Variants in LRRC49 observed in about 807,000 individuals in gnomAD.
The protein encoded by LRRC49 is leucine-rich repeat-containing protein 49.
Under a neutral mutation model 83.3 loss-of-function variants are expected in LRRC49, and 50 were observed. The observed-to-expected ratio is 0.60, with a 90% CI of 0.48 to 0.76. LRRC49 has a LOEUF of 0.76. Ranked by LOEUF, LRRC49 falls within the 30% of genes least tolerant of loss-of-function variation. LRRC49 has a pLI of 0.00. For missense variants in LRRC49, 704 were observed against 809.1 expected (o/e 0.87, Z 1.58); for synonymous variants, 286 against 283.3 (o/e 1.01, Z -0.10).
intron 9 of LRRC49, among the ~76,000 whole-genome samples, chr15:70,975,523 T>C (rs1425650937): frequency 6.6e-6 from 1 of 152,022 alleles, no homozygotes; most frequent in Non-Finnish European, 1.5e-5. Context: ...AAACCCTGTC[T>C]CTACAAAAAA....
chr15:71,022,098 C>T (rs530580219), intron 14 of LRRC49, among the ~76,000 whole-genome samples: 2 of 152,120 alleles, frequency 1.3e-5, no homozygotes, highest in South Asian at 2.1e-4. Context: ...ATTAGCCAGG[C>T]CTGGTGGCTC....
At chr15:70,912,461 C>G (rs536396062) in intron 6 of LRRC49, among the ~76,000 whole-genome samples, 1 of 152,150 alleles carries the variant, frequency 6.6e-6, no homozygotes, top group Admixed American at 6.5e-5. Flanking sequence ...AGTTTGTACT[C>G]GTACCACTAA....
intron 1 of LRRC49, chr15:70,859,649 A>G (rs1355354924): frequency 4.7e-6 from 3 of 645,032 alleles, no homozygotes; most frequent in Non-Finnish European, 8.9e-6. Context: ...GATGAACTGG[A>G]ACATCAGCCG....
intron 1 of LRRC49, among the ~76,000 whole-genome samples, chr15:70,869,209 C>T (rs146253023): frequency 5.9e-5 from 9 of 152,252 alleles, no homozygotes; most frequent in Admixed American, 5.2e-4. Flanking sequence ...CTATATAATA[C>T]ATATATACTT....
chr15:70,863,147 G>A (rs1403281838), intron 1 of LRRC49, among the ~76,000 whole-genome samples: 1 of 152,162 alleles, frequency 6.6e-6, no homozygotes, highest in Admixed American at 6.5e-5. Flanking sequence ...CTAAGGTAGA[G>A]GCAAACTGAA....
At chr15:70,854,066 G>C in intron 1 of LRRC49, 1 of 1,377,620 alleles carries the variant, frequency 7.3e-7, no homozygotes, top group Non-Finnish European at 9.5e-7. Flanking sequence ...CCCGGGCCGA[G>C]CCTCCCCGCC....
At chr15:70,946,728 C>A (rs931108643) in intron 8 of LRRC49, among the ~76,000 whole-genome samples, 2 of 152,096 alleles carry the variant, frequency 1.3e-5, no homozygotes, top group Non-Finnish European at 2.9e-5. Flanking sequence ...GGGTTTTCTT[C>A]TCTCCACATT....
At chr15:70,887,774 C>T (rs766078810), upstream of LRRC49, among the ~76,000 whole-genome samples, 1 of 152,044 alleles carries the variant, frequency 6.6e-6, no homozygotes, top group Non-Finnish European at 1.5e-5. Context: ...AATAAAAACA[C>T]GAATATCAAA....
intron 7 of LRRC49, among the ~76,000 whole-genome samples, chr15:70,935,743 G>A (rs1285088913): frequency 6.6e-6 from 1 of 152,132 alleles, no homozygotes; most frequent in Non-Finnish European, 1.5e-5. Flanking sequence ...TTTTATATGA[G>A]ACATGGCAGT....
chr15:70,999,260 A>C (rs1037000489), intron 11 of LRRC49, among the ~76,000 whole-genome samples: 2 of 151,772 alleles, frequency 1.3e-5, no homozygotes, highest in African/African-American at 4.8e-5. Flanking sequence ...TTGAAACTGG[A>C]CATTTATGTG....
chr15:70,880,351 A>C (rs2033237849), intron 2 of LRRC49, among the ~76,000 whole-genome samples: 1 of 152,096 alleles, frequency 6.6e-6, no homozygotes, highest in Non-Finnish European at 1.5e-5. Flanking sequence ...CCCCCACCAA[A>C]AGGTAAGCGC....
At chr15:70,983,638 C>G (rs368676733) in intron 10 of LRRC49, among the ~76,000 whole-genome samples, 2 of 151,992 alleles carry the variant, frequency 1.3e-5, no homozygotes, top group African/African-American at 2.4e-5. Context: ...CCCTTCCCCC[C>G]CTCCAAGATT....
chr15:70,986,269 TG>T (rs1413935624), intron 11 of LRRC49, among the ~76,000 whole-genome samples: 6 of 152,222 alleles, frequency 3.9e-5, no homozygotes, highest in African/African-American at 1.2e-4. Flanking sequence ...CCCATGAGCA[TG>T]GAATGTTCTT....
At chr15:70,979,440 C>T (rs1347490418) in intron 9 of LRRC49, among the ~76,000 whole-genome samples, 1 of 151,506 alleles carries the variant, frequency 6.6e-6, no homozygotes, top group Non-Finnish European at 1.5e-5. Context: ...ATTTCTATCA[C>T]TTCACCTGAT....
At chr15:71,032,781 C>T (rs187114655) in intron 14 of LRRC49, among the ~76,000 whole-genome samples, 198 of 152,114 alleles carry the variant, frequency 1.3e-3, no homozygotes, top group South Asian at 8.8e-3. Flanking sequence ...TCTCAATAGA[C>T]GCAGAAAAGG....
intron 2 of LRRC49, among the ~76,000 whole-genome samples, chr15:70,885,963 A>C (rs1412071689): frequency 1.3e-5 from 2 of 152,200 alleles, no homozygotes; most frequent in Admixed American, 1.3e-4. Flanking sequence ...CAAAAAATTA[A>C]GTCCATATAT....
chr15:70,938,612 A>T (rs187486530), intron 8 of LRRC49, among the ~76,000 whole-genome samples: 136 of 152,300 alleles, frequency 8.9e-4, no homozygotes, highest in African/African-American at 3.2e-3. Context: ...TGTGAACTTT[A>T]CTCAAGATAC....
intron 13 of LRRC49, 87 bp downstream of exon 13, chr15:71,010,079 C>A: frequency 5.3e-6 from 4 of 761,046 alleles, no homozygotes; most frequent in Non-Finnish European, 7.7e-6. Context: ...ATTTAAGTAA[C>A]CATGATAGAA....
chr15:70,970,470 A>G (rs1316281996), intron 9 of LRRC49, among the ~76,000 whole-genome samples: 1 of 151,742 alleles, frequency 6.6e-6, no homozygotes, highest in African/African-American at 2.4e-5. Flanking sequence ...CTCTGCCAGG[A>G]TTTAGTATCA....
Sources: allele counts gnomAD v4.1 joint callset (sites outside exome capture counted in the v4.1 genomes callset), GRCh38; gene constraint gnomAD v4.1.1; transcripts MANE v1.5; gene names NCBI Gene and HGNC (gene_info 2026-07-23, HGNC 2026-07-21).